Variants in SEMA3A observed in about 807,000 individuals in gnomAD.
SEMA3A encodes semaphorin-3A.
SEMA3A carries 29 observed loss-of-function variants against 97.9 expected under a neutral mutation model. That is an observed-to-expected ratio of 0.30 (90% CI 0.22 to 0.40). SEMA3A has a LOEUF of 0.40. Among genes scored for constraint, SEMA3A ranks in the 10% least tolerant of loss-of-function variants. SEMA3A has a pLI of 1.00. For missense variants in SEMA3A, 763 were observed against 951.3 expected, an observed-to-expected ratio of 0.80 and a Z score of 2.60; for synonymous variants, 321 against 323.7, an observed-to-expected ratio of 0.99 and a Z score of 0.09.
chr7:84,273,439 G>A (rs1800204756), intron 3 of SEMA3A, among the ~76,000 whole-genome samples: 1 of 152,094 alleles, frequency 6.6e-6, no homozygotes. Flanking sequence ...ACTAGCTACT[G>A]CCAGGAAATC....
At chr7:84,268,858 C>G (rs140153847) in intron 3 of SEMA3A, among the ~76,000 whole-genome samples, 58 of 152,276 alleles carry the variant, frequency 3.8e-4, no homozygotes, top group African/African-American at 1.3e-3. Context: ...CCACGCTTCT[C>G]TTGAGAATTG....
At chr7:84,032,097 T>G (rs1243776476) in intron 6 of SEMA3A, among the ~76,000 whole-genome samples, 3 of 152,172 alleles carry the variant, frequency 2.0e-5, no homozygotes, top group Non-Finnish European at 4.4e-5. Context: ...GGAGGTTTGT[T>G]TTGATGGCCA....
intron 1 of SEMA3A, among the ~76,000 whole-genome samples, chr7:84,409,162 T>G (rs1048973370): frequency 3.3e-5 from 5 of 151,254 alleles, no homozygotes; most frequent in Admixed American, 6.6e-5. Context: ...AAATAATTTA[T>G]TGCACATTTC....
intron 1 of SEMA3A, among the ~76,000 whole-genome samples, chr7:84,480,147 GAA>G (rs1281178524): frequency 8.5e-5 from 13 of 152,268 alleles, no homozygotes; most frequent in African/African-American, 2.6e-4. Context: ...TTCATAGATG[GAA>G]TGGCCTCACT....
At chr7:84,377,418 A>G (rs1035551540) in intron 1 of SEMA3A, among the ~76,000 whole-genome samples, 18 of 152,062 alleles carry the variant, frequency 1.2e-4, no homozygotes, top group Admixed American at 1.2e-3. Flanking sequence ...CTGTAAATAT[A>G]TGGTTTTATT....
intron 2 of SEMA3A, among the ~76,000 whole-genome samples, chr7:84,132,706 C>T (rs111492284): frequency 1.1e-4 from 12 of 113,240 alleles, no homozygotes; most frequent in East Asian, 6.1e-4. Context: ...GACGGAGTCT[C>T]GCTCTGTCAC....
chr7:84,034,275 C>T (rs1280015965), intron 6 of SEMA3A, among the ~76,000 whole-genome samples: 3 of 152,120 alleles, frequency 2.0e-5, no homozygotes, highest in Non-Finnish European at 2.9e-5. Flanking sequence ...TGAGCCACTG[C>T]GCCTGGCCTG....
At chr7:84,002,254 T>C (rs1204623973) in intron 11 of SEMA3A, among the ~76,000 whole-genome samples, 1 of 152,132 alleles carries the variant, frequency 6.6e-6, no homozygotes, top group Non-Finnish European at 1.5e-5. Flanking sequence ...ATAAACACAA[T>C]CTTGGAATAA....
intron 1 of SEMA3A, among the ~76,000 whole-genome samples, chr7:84,486,198 G>A (rs1474475077): frequency 1.3e-5 from 2 of 151,998 alleles, no homozygotes; most frequent in East Asian, 3.9e-4. Flanking sequence ...GACCATCCTG[G>A]CCAGCATGGT....
chr7:84,382,702 CAAAAAAA>C (rs377120252), intron 1 of SEMA3A, among the ~76,000 whole-genome samples: 4 of 82,070 alleles, frequency 4.9e-5, no homozygotes, highest in Admixed American at 3.0e-4. Context: ...ACTAAAAATC[CAAAAAAA>C]AAAAAAAAAA....
intron 5 of SEMA3A, among the ~76,000 whole-genome samples, chr7:84,051,106 A>T: frequency 6.6e-6 from 1 of 150,452 alleles, no homozygotes; most frequent in Non-Finnish European, 1.5e-5. Flanking sequence ...TGTTTTGGTT[A>T]CTGTAGCCTT....
intron 1 of SEMA3A, among the ~76,000 whole-genome samples, chr7:84,485,661 T>C (rs531365489): frequency 6.6e-6 from 1 of 152,278 alleles, no homozygotes; most frequent in Non-Finnish European, 1.5e-5. Flanking sequence ...AATTGTGATT[T>C]ACTGCTCCCG....
chr7:84,341,487 C>T (rs751607035), intron 2 of SEMA3A, among the ~76,000 whole-genome samples: 4 of 151,900 alleles, frequency 2.6e-5, no homozygotes, highest in Non-Finnish European at 4.4e-5. Context: ...CATTCTGATT[C>T]TTACACTAGT....
At chr7:84,330,093 A>G (rs935982724) in intron 2 of SEMA3A, among the ~76,000 whole-genome samples, 2 of 152,112 alleles carry the variant, frequency 1.3e-5, no homozygotes, top group African/African-American at 2.4e-5. Flanking sequence ...AACCAATAAC[A>G]TAAGTAAAAT....
chr7:84,230,698 T>C (rs1799097806), intron 3 of SEMA3A, among the ~76,000 whole-genome samples: 1 of 151,960 alleles, frequency 6.6e-6, no homozygotes, highest in Non-Finnish European at 1.5e-5. Context: ...GTTTGATGTC[T>C]CAACTTCTCT....
At chr7:84,000,234 T>TG (rs1770271801) in intron 12 of SEMA3A, among the ~76,000 whole-genome samples, 1 of 152,128 alleles carries the variant, frequency 6.6e-6, no homozygotes. Flanking sequence ...AGTACCAATG[T>TG]GTTTGTTCAT....
chr7:84,313,384 AT>A (rs1801408229), intron 2 of SEMA3A, among the ~76,000 whole-genome samples: 2 of 95,748 alleles, frequency 2.1e-5, no homozygotes, highest in African/African-American at 3.5e-5. Flanking sequence ...ATATATATAT[AT>A]ATATATATAT....
intron 1 of SEMA3A, among the ~76,000 whole-genome samples, chr7:84,188,099 C>T (rs1345788983): frequency 1.3e-5 from 2 of 152,000 alleles, no homozygotes; most frequent in Non-Finnish European, 2.9e-5. Flanking sequence ...TTTCTCCAAG[C>T]AAGGGAAACC....
intron 15 of SEMA3A, among the ~76,000 whole-genome samples, chr7:83,976,429 G>A (rs1022516766): frequency 7.2e-5 from 11 of 152,022 alleles, no homozygotes; most frequent in Admixed American, 2.6e-4. Flanking sequence ...CCCCAGCAGA[G>A]GGAAGCATAA....
Sources: gnomAD v4.1 joint callset for allele counts (sites outside exome capture counted in the v4.1 genomes callset) on GRCh38, gnomAD v4.1.1 for gene constraint, MANE v1.5 for transcripts, NCBI Gene and HGNC (gene_info 2026-07-23, HGNC 2026-07-21) for gene names.